CSMD2: variants seen among roughly 807,000 people sequenced by gnomAD.
CSMD2 encodes CUB and sushi domain-containing protein 2.
A neutral mutation model predicts 398.5 loss-of-function variants in CSMD2; 130 were observed. The observed-to-expected ratio is 0.33, with a 90% confidence interval of 0.28 to 0.38. The LOEUF (loss-of-function observed/expected upper bound fraction) is 0.38, where lower values mean the gene tolerates loss of function less well. Ranked by LOEUF, CSMD2 falls within the 10% of genes least tolerant of loss-of-function variation. CSMD2 has a pLI of 1.00. For synonymous variants in CSMD2, 1,828 were observed against 1,908.5 expected (o/e 0.96, Z 1.10); for missense variants, 3,829 against 4,764.9 (o/e 0.80, Z 5.78).
chr1:33,571,870 A>C, intron 50 of CSMD2, 144 bp from the exon 51 acceptor site: 1 of 558,168 alleles, frequency 1.8e-6, no homozygotes, highest in Non-Finnish European at 2.7e-6. Context: ...GGTTTGGTAA[A>C]TGAACAGGTG....
chr1:34,135,462 T>C (rs1638635639), intron 1 of CSMD2, among the ~76,000 whole-genome samples: 1 of 151,402 alleles, frequency 6.6e-6, no homozygotes. Context: ...CTACTAAAAA[T>C]ACAAAAACTA....
chr1:33,749,865 C>T (rs1024388942), intron 13 of CSMD2, among the ~76,000 whole-genome samples: 30 of 152,254 alleles, frequency 2.0e-4, no homozygotes, highest in African/African-American at 7.2e-4. Context: ...ATGGCCAGTG[C>T]TTCAAAACTA....
Position 34,076,768 on chromosome 1 carries a change from G to A in CSMD2, c.404+12209C>T, listed in dbSNP as rs989589378. Among the ~76,000 whole-genome samples the A allele has an allele frequency of 7.9e-5, 12 of 151,208 alleles. No individual in the cohort carries two copies. The South Asian group carries it at 1.0e-3, about 13-fold the overall frequency. ...TATAAGGTAGATCTTGATACACCCC[G>A]TTTATCAATTAGCATACTGTGGATA... On this transcript the variant is annotated intron_variant, in intron 2 of 70. Transcript: ENST00000373381.
At chr1:34,065,646 G>A (rs775305783) in intron 2 of CSMD2, among the ~76,000 whole-genome samples, 1 of 152,196 alleles carries the variant, frequency 6.6e-6, no homozygotes, top group Non-Finnish European at 1.5e-5. Flanking sequence ...CAATGCGGGT[G>A]AATGGAAATG....
intron 51 of CSMD2, among the ~76,000 whole-genome samples, chr1:33,570,335 T>G (rs1410417765): frequency 8.4e-5 from 1 of 11,928 alleles, no homozygotes; most frequent in Non-Finnish European, 1.9e-4. Context: ...GCTGGCTAAT[T>G]TTTTTTTTTT....
At chr1:33,990,287 A>C (rs1194360025) in intron 3 of CSMD2, among the ~76,000 whole-genome samples, 1 of 152,124 alleles carries the variant, frequency 6.6e-6, no homozygotes, top group Non-Finnish European at 1.5e-5. Context: ...AAAAATTTAG[A>C]CTAGGTATCA....
intron 5 of CSMD2, among the ~76,000 whole-genome samples, chr1:33,889,883 G>C (rs1453778820): frequency 6.6e-6 from 1 of 151,858 alleles, no homozygotes; most frequent in Non-Finnish European, 1.5e-5. Context: ...TTAACACATA[G>C]ACGACTTTAA....
chr1:33,783,997 T>C (rs1388834733), intron 12 of CSMD2, among the ~76,000 whole-genome samples: 1 of 151,146 alleles, frequency 6.6e-6, no homozygotes, highest in Non-Finnish European at 1.5e-5. Flanking sequence ...TGACTCCCTA[T>C]CCCAGGGCAT....
At chr1:34,094,672 A>C (rs1049995893) in intron 1 of CSMD2, among the ~76,000 whole-genome samples, 29 of 152,360 alleles carry the variant, frequency 1.9e-4, no homozygotes, top group Admixed American at 1.9e-3. Flanking sequence ...AGGCCATTAC[A>C]TGATGGTAAA....
chr1:33,549,782 C>T (rs1186785378), intron 56 of CSMD2, among the ~76,000 whole-genome samples: 2 of 151,918 alleles, frequency 1.3e-5, no homozygotes, highest in African/African-American at 2.4e-5. Flanking sequence ...GACCTGAGCA[C>T]GAGTCTGAAA....
chr1:34,013,952 G>C (rs1036155335), intron 3 of CSMD2, among the ~76,000 whole-genome samples: 7 of 152,108 alleles, frequency 4.6e-5, no homozygotes, highest in African/African-American at 9.7e-5. Context: ...CTGAGCTCCT[G>C]ATCTCCGCAC....
intron 56 of CSMD2, 48 bp downstream of exon 56, chr1:33,550,129 C>T: frequency 6.3e-7 from 1 of 1,576,254 alleles, no homozygotes; most frequent in Non-Finnish European, 8.7e-7. Flanking sequence ...TACCTCCCAT[C>T]AGTCAAGCAT....
chr1:33,557,798 C>A lies in CSMD2; in HGVS notation c.8679G>T (p.Leu2893=). 6.5e-7 allele frequency: 1 copy of A among 1,536,056 alleles called. No individual in the cohort carries two copies. The highest frequency in any genetic ancestry group is 1.4e-5 in the African/African-American group (1 of 73,122). ...CCTGGCAGCTGAGCACTGGGGTGCC[C>A]AGGAGGTAGAAGCCGTGGTTGCACC... The part of the protein sequence containing the change: ...SYRCNHGFYL[L]GTPVLSCQGD... The change falls in exon 55 of 71, where the codon CTG becomes CTT. Residue 2893 remains leucine (L), a synonymous_variant. Transcript: ENST00000373381.
At chr1:33,520,532 CTG>C (rs1488893976) in intron 68 of CSMD2, among the ~76,000 whole-genome samples, 2 of 152,330 alleles carry the variant, frequency 1.3e-5, no homozygotes, top group East Asian at 1.9e-4. Context: ...AGAACAAAAA[CTG>C]TGATTTTCTA....
chr1:33,631,999 A>G (rs1642492641), intron 32 of CSMD2, among the ~76,000 whole-genome samples: 1 of 152,066 alleles, frequency 6.6e-6, no homozygotes, highest in Non-Finnish European at 1.5e-5. Context: ...GAATAAATAG[A>G]CACTTGGAAG....
chr1:33,666,250 T>C (rs1051995696), intron 25 of CSMD2, among the ~76,000 whole-genome samples: 2 of 152,142 alleles, frequency 1.3e-5, no homozygotes, highest in Admixed American at 1.3e-4. Flanking sequence ...GGTTACCAAG[T>C]CCCAAAAAAA....
chr1:34,143,885 C>T (rs1042217011), intron 1 of CSMD2, among the ~76,000 whole-genome samples: 2 of 152,134 alleles, frequency 1.3e-5, no homozygotes, highest in African/African-American at 2.4e-5. Flanking sequence ...AAGGAGTTAA[C>T]CAAGGAGAAT....
intron 2 of CSMD2, among the ~76,000 whole-genome samples, chr1:34,042,869 G>A (rs1309308167): frequency 1.3e-5 from 2 of 152,044 alleles, no homozygotes; most frequent in Non-Finnish European, 2.9e-5. Flanking sequence ...CTCTCTCCAA[G>A]CTCTGCCTCC....
intron 5 of CSMD2, among the ~76,000 whole-genome samples, chr1:33,876,947 T>C (rs976220313): frequency 1.3e-5 from 2 of 152,202 alleles, no homozygotes; most frequent in Admixed American, 6.5e-5. Context: ...GTTGCTGCAG[T>C]CTATAGATCA....
Sources: allele counts gnomAD v4.1 joint callset (sites outside exome capture counted in the v4.1 genomes callset), GRCh38; gene constraint gnomAD v4.1.1; transcripts MANE v1.5; gene names NCBI Gene and HGNC (gene_info 2026-07-23, HGNC 2026-07-21).